The following SPART variants were observed in gnomAD, a reference collection of about 807,000 sequenced individuals.
SPART encodes the protein spastic paraplegia 20 (Troyer syndrome).
A neutral mutation model predicts 58.7 loss-of-function variants in SPART; 35 were observed. The observed-to-expected ratio is 0.60, with a 90% CI of 0.46 to 0.79. The LOEUF (loss-of-function observed/expected upper bound fraction) is 0.79. SPART is among the 30% of genes least tolerant of loss of function. The pLI, the probability that SPART is intolerant of heterozygous loss-of-function variation, is 0.00. For synonymous variants in SPART, 284 were observed against 280.7 expected (o/e 1.01, Z -0.12); for missense variants, 730 against 786.1 (o/e 0.93, Z 0.85).
intron 1 of SPART, among the ~76,000 whole-genome samples, chr13:36,341,535 A>G (rs2137617826): frequency 6.6e-6 from 1 of 152,306 alleles, no homozygotes; most frequent in South Asian, 2.1e-4. Flanking sequence ...CAATATCCAC[A>G]TGTACCTAGT....
intron 5 of SPART, among the ~76,000 whole-genome samples, chr13:36,318,847 C>G (rs1396101238): frequency 2.0e-5 from 3 of 152,112 alleles, no homozygotes; most frequent in African/African-American, 7.2e-5. Context: ...ACTCCCAGAG[C>G]CCCTGGAACT....
intron 5 of SPART, chr13:36,326,103 C>T: frequency 5.1e-6 from 1 of 194,452 alleles, no homozygotes; most frequent in South Asian, 9.4e-5. Flanking sequence ...TTATAAGGGA[C>T]TAATCCCATT....
chr13:36,341,493 G>A (rs2137617478), intron 1 of SPART, among the ~76,000 whole-genome samples: 1 of 152,252 alleles, frequency 6.6e-6, no homozygotes, highest in South Asian at 2.1e-4. Context: ...TGAAAAGATA[G>A]TTCAATTCCA....
At position 36,335,356 on chromosome 13, in the gene SPART, G is replaced by A. The variant is rs752957716; in HGVS notation, c.475C>T (p.Leu159=). The A allele has an allele frequency of 1.2e-6, 2 of 1,614,124 alleles. No homozygotes were observed. The highest frequency in any genetic ancestry group is 1.7e-5 in the Admixed American group (1 of 60,002). The change falls in exon 2 of 9, where the codon CTG becomes TTG. Residue 159 remains leucine (L), a synonymous_variant. Coordinates refer to ENST00000438666, the MANE Select transcript of SPART (RefSeq NM_015087.5). Reference sequence around the variant, plus strand: ...GGACAACTTTGTGATGGTAAAGACAGAGAAGCAGGTGCAGCAACTGCCCCT... The same window carrying A: ...GGACAACTTTGTGATGGTAAAGACAAAGAAGCAGGTGCAGCAACTGCCCCT... The part of the protein sequence containing the change: ...SAGAVAAPAS[L]SLPSQSCPAE...
intron 2 of SPART, among the ~76,000 whole-genome samples, chr13:36,332,808 C>T (rs1450156354): frequency 6.6e-6 from 1 of 151,984 alleles, no homozygotes; most frequent in African/African-American, 2.4e-5. Context: ...AACAGTCTTA[C>T]CCACAAACTT....
chr13:36,314,949 G>T (rs901685053), intron 5 of SPART, among the ~76,000 whole-genome samples: 4 of 152,152 alleles, frequency 2.6e-5, no homozygotes, highest in African/African-American at 9.7e-5. Flanking sequence ...TTAGTCAGGG[G>T]GTCCTGTTCC....
At chr13:36,350,429 G>A (rs1885364836), upstream of SPART, among the ~76,000 whole-genome samples, 1 of 152,122 alleles carries the variant, frequency 6.6e-6, no homozygotes, top group South Asian at 2.1e-4. Flanking sequence ...ATTTACCTTA[G>A]GCCATCTAGA....
At chr13:36,324,478 TC>T (rs1167886723) in intron 5 of SPART, among the ~76,000 whole-genome samples, 5 of 152,154 alleles carry the variant, frequency 3.3e-5, no homozygotes, top group Non-Finnish European at 7.4e-5. Flanking sequence ...CAGCTTATTG[TC>T]AAGTCACTAG....
chr13:36,307,089 A>C (rs1161364402), intron 8 of SPART, among the ~76,000 whole-genome samples: 1 of 152,176 alleles, frequency 6.6e-6, no homozygotes, highest in Non-Finnish European at 1.5e-5. Context: ...CTTCAGATTC[A>C]AACTATACTG....
chr13:36,328,162 A>G (rs2137482472), intron 4 of SPART, among the ~76,000 whole-genome samples: 1 of 152,322 alleles, frequency 6.6e-6, no homozygotes, highest in African/African-American at 2.4e-5. Context: ...TCTTGGAACC[A>G]TTTTGGACTT....
At chr13:36,314,479 C>T in intron 5 of SPART, 58 bp from the exon 6 acceptor site, 1 of 1,494,264 alleles carries the variant, frequency 6.7e-7, no homozygotes, top group South Asian at 1.1e-5. Context: ...CTTTTGAACA[C>T]TTTAATAAAT....
intron 5 of SPART, among the ~76,000 whole-genome samples, chr13:36,321,227 C>A (rs1344038613): frequency 6.6e-6 from 1 of 152,220 alleles, no homozygotes; most frequent in Non-Finnish European, 1.5e-5. Flanking sequence ...CTCAACTACT[C>A]ATACATGCCC....
chr13:36,322,914 C>T (rs1882564887), intron 5 of SPART, among the ~76,000 whole-genome samples: 1 of 152,130 alleles, frequency 6.6e-6, no homozygotes, highest in Non-Finnish European at 1.5e-5. Flanking sequence ...CCAATGGAGT[C>T]CCAGAAATAA....
At chr13:36,349,349 A>G (rs1885323985), upstream of SPART, among the ~76,000 whole-genome samples, 1 of 152,234 alleles carries the variant, frequency 6.6e-6, no homozygotes, top group Non-Finnish European at 1.5e-5. Context: ...GCTTCCACGT[A>G]TGGTTAAGTT....
At chr13:36,359,627 T>C (rs565426159) in intron 1 of SPART, among the ~76,000 whole-genome samples, 5 of 152,320 alleles carry the variant, frequency 3.3e-5, no homozygotes, top group South Asian at 4.1e-4. Context: ...TTCATAGGAT[T>C]GTATTTGGGA....
At chr13:36,353,314 C>T (rs989847309) in intron 1 of SPART, among the ~76,000 whole-genome samples, 1 of 152,178 alleles carries the variant, frequency 6.6e-6, no homozygotes, top group Non-Finnish European at 1.5e-5. Flanking sequence ...CAAAAATGTC[C>T]TCGAGACTGT....
At chr13:36,341,438 T>C (rs955531667) in intron 1 of SPART, among the ~76,000 whole-genome samples, 9 of 152,066 alleles carry the variant, frequency 5.9e-5, no homozygotes, top group African/African-American at 2.2e-4. Flanking sequence ...TTTAGCTTTC[T>C]TTTTTTTGGT....
Position 36,333,017 on chromosome 13 carries a change from TTTTTC to T in SPART, c.811-1426_811-1422del, listed in dbSNP as rs754654194. On this transcript the variant is annotated intron_variant, in intron 2 of 8. Transcript: ENST00000438666. ...AAACTTAGGAAAGGTTTTTCTTTTT[TTTTTC>T]TTTTTTTTAAACTATTCCATGGTTT... is the stretch of plus-strand genomic sequence containing the variant. 4.5e-4 allele frequency among the ~76,000 whole-genome samples: 69 copies of T among 152,004 alleles called. No individual in the cohort carries two copies. In the East Asian group the frequency reaches 8.9e-3, roughly 20 times the overall value.
At chr13:36,328,220 T>G (rs1267996744) in intron 4 of SPART, among the ~76,000 whole-genome samples, 1 of 152,182 alleles carries the variant, frequency 6.6e-6, no homozygotes, top group Non-Finnish European at 1.5e-5. Flanking sequence ...TAAACCACAG[T>G]GACACTTTGC....
Sources: allele counts gnomAD v4.1 joint callset (sites outside exome capture counted in the v4.1 genomes callset), GRCh38; gene constraint gnomAD v4.1.1; transcripts MANE v1.5; gene names NCBI Gene and HGNC (gene_info 2026-07-23, HGNC 2026-07-21).